The following ADAMTS16 variants were observed in gnomAD, a reference collection of about 807,000 sequenced individuals.
ADAMTS16 encodes ADAM metallopeptidase with thrombospondin type 1 motif 16.
ADAMTS16 carries 94 observed loss-of-function variants against 145.8 expected under a neutral mutation model. The ratio of observed to expected loss-of-function variants is 0.64; its 90% confidence interval spans 0.55 to 0.77. The LOEUF (loss-of-function observed/expected upper bound fraction) is 0.77. Ranked by LOEUF, ADAMTS16 falls within the 30% of genes least tolerant of loss-of-function variation. ADAMTS16 has a pLI of 0.00. For synonymous variants in ADAMTS16, 659 were observed against 604.3 expected (o/e 1.09, Z -1.33); for missense variants, 1,585 against 1,591.5 (o/e 1.00, Z 0.07).
In ADAMTS16 at chr5:5,190,033, T is replaced by C. The variant is rs72647747; in HGVS notation, c.1110T>C (p.Ser370=). The C allele has an allele frequency of 3.9e-4, 623 of 1,613,364 alleles. No individual in the cohort carries two copies. The Middle Eastern group carries it at 7.9e-3, about 21-fold the overall frequency. The part of the protein sequence containing the change: ...HTLSSFCQWQ[S]GLMGKDGTRH... ...TAAGTAGCTTCTGCCAGTGGCAGTC[T>C]GGATTGATGGGGAAAGATGGGACTC... Residue 370 remains serine (S), a synonymous_variant, in exon 7 of 23, where the codon TCT becomes TCC. Coordinates refer to ENST00000274181, the MANE Select transcript of ADAMTS16 (RefSeq NM_139056.4).
chr5:5,237,991 A>C (rs1355099477), intron 14 of ADAMTS16, among the ~76,000 whole-genome samples: 1 of 152,180 alleles, frequency 6.6e-6, no homozygotes, highest in African/African-American at 2.4e-5. Context: ...ACGGAGTCCA[A>C]AAACATCTTT....
chr5:5,220,664 G>T (rs1444797178), intron 10 of ADAMTS16, among the ~76,000 whole-genome samples: 4 of 152,096 alleles, frequency 2.6e-5, no homozygotes, highest in Non-Finnish European at 4.4e-5. Flanking sequence ...TACTTCAGGT[G>T]CCAGGCCCTG....
chr5:5,299,077 A>C (rs1050790671), intron 18 of ADAMTS16, among the ~76,000 whole-genome samples: 1 of 152,194 alleles, frequency 6.6e-6, no homozygotes, highest in Non-Finnish European at 1.5e-5. Flanking sequence ...TGGAGCCCTG[A>C]TACTTATCAA....
At chr5:5,274,679 T>TAC (rs1553996915) in intron 18 of ADAMTS16, among the ~76,000 whole-genome samples, 1 of 140,888 alleles carries the variant, frequency 7.1e-6, no homozygotes, top group African/African-American at 2.6e-5. Context: ...TATGTGTATA[T>TAC]ATATACATAT....
At chr5:5,244,329 T>C (rs556594479) in intron 17 of ADAMTS16, among the ~76,000 whole-genome samples, 58 of 152,318 alleles carry the variant, frequency 3.8e-4, no homozygotes, top group Non-Finnish European at 4.3e-4. Flanking sequence ...TTACTTTCTA[T>C]AGAAGCAAGA....
rs752685416 is a variant in ADAMTS16, at chr5:5,189,952, G to T, written c.1048-19G>T. On this transcript the variant is annotated intron_variant, in intron 6 of 22. Coordinates refer to ENST00000274181, the MANE Select transcript of ADAMTS16 (RefSeq NM_139056.4). Reference sequence around the variant, plus strand: ...TCTCTTCATTATCATGGGGTCCTCGGTCCTTGTCTCTTGCACAGCCAGGAC... The same window carrying T: ...TCTCTTCATTATCATGGGGTCCTCGTTCCTTGTCTCTTGCACAGCCAGGAC... 6.2e-7 allele frequency: 1 copy of T among 1,609,834 alleles called. No individual in the cohort carries two copies.
chr5:5,307,344 C>T (rs139013637), intron 21 of ADAMTS16, among the ~76,000 whole-genome samples: 22 of 152,258 alleles, frequency 1.4e-4, no homozygotes, highest in Non-Finnish European at 1.6e-4. Context: ...TTGTGGCTGC[C>T]CGGTAGAGAG....
chr5:5,307,255 G>T (rs557531998), intron 21 of ADAMTS16, among the ~76,000 whole-genome samples: 12 of 152,108 alleles, frequency 7.9e-5, no homozygotes, highest in Non-Finnish European at 1.8e-4. Flanking sequence ...CTTTCGGGTC[G>T]GGGTGGGCCC....
At chr5:5,164,885 T>C (rs1579282220) in intron 3 of ADAMTS16, among the ~76,000 whole-genome samples, 1 of 152,086 alleles carries the variant, frequency 6.6e-6, no homozygotes, top group African/African-American at 2.4e-5. Context: ...GCCATGTTAG[T>C]CAGGATGGTC....
At chr5:5,301,055 T>G (rs1560997014) in intron 18 of ADAMTS16, among the ~76,000 whole-genome samples, 3 of 152,162 alleles carry the variant, frequency 2.0e-5, no homozygotes, top group Admixed American at 1.3e-4. Context: ...TGAATTTTTA[T>G]TTTTATTTAT....
intron 10 of ADAMTS16, among the ~76,000 whole-genome samples, chr5:5,220,466 A>T (rs1736570931): frequency 6.6e-6 from 1 of 152,054 alleles, no homozygotes. Flanking sequence ...CCAATAATTT[A>T]ACATTTTAAA....
rs1422918474 is a variant in ADAMTS16 at position 5,235,105 on chromosome 5, C to T, written c.1942C>T (p.Arg648Cys). Residue 648 changes from arginine to cysteine, a missense_variant, in exon 13 of 23, where the codon CGT (arginine) becomes TGT (cysteine). By Grantham distance (180) the Arg-to-Cys change is radical (BLOSUM62 -3). This residue lies in a region of ADAMTS16 where 834 missense variants were observed against 811.7 expected (regional missense o/e 1.03). Transcript: ENST00000274181. The stretch of plus-strand genomic sequence containing the variant: ...ATGTCCCCGGGACAGTGTTGACTTC[C>T]GTGCTGCTCAGTGTGCCGAGCACAA... ...QKCPRDSVDF[R>C]AAQCAEHNSR... is the part of the protein sequence containing the mutation. 3.4e-5 allele frequency: 54 copies of T among 1,606,140 alleles called. No homozygotes were observed. Among genetic ancestry groups the T allele is most frequent in the African/African-American group, 8.0e-5 (6 of 74,814 alleles).
rs1240984500 is a variant in ADAMTS16 at position 5,221,828 on chromosome 5, C to T, written c.1606-961C>T. On this transcript the variant is annotated intron_variant, in intron 10 of 22. Coordinates refer to ENST00000274181, the MANE Select transcript of ADAMTS16 (RefSeq NM_139056.4). Reference sequence around the variant, plus strand: ...AGTGAGATCACCAGGCAGCAAAATGCCATCTTCCCAGCTGCACTACGTCGA... The same window carrying T: ...AGTGAGATCACCAGGCAGCAAAATGTCATCTTCCCAGCTGCACTACGTCGA... Among the ~76,000 whole-genome samples the T allele has an allele frequency of 3.9e-5, 6 of 152,172 alleles. No individual in the cohort carries two copies. The East Asian group carries it at 1.2e-3, about 29-fold the overall frequency.
intron 10 of ADAMTS16, among the ~76,000 whole-genome samples, chr5:5,217,727 A>G (rs867855949): frequency 6.6e-6 from 1 of 152,242 alleles, no homozygotes; most frequent in African/African-American, 2.4e-5. Context: ...GACTAGAATA[A>G]AAAGAGAGAG....
chr5:5,248,916 T>C (rs1354521747), intron 17 of ADAMTS16, among the ~76,000 whole-genome samples: 1 of 152,214 alleles, frequency 6.6e-6, no homozygotes, highest in African/African-American at 2.4e-5. Flanking sequence ...ATTAGGGTCC[T>C]CCAGAGAAAC....
In ADAMTS16 at chr5:5,235,073, G is replaced by C; in HGVS notation, c.1910G>C (p.Ser637Thr). ...GSTRTLKLCN[S>T]QKCPRDSVDF... ...ACTCGCACTCTGAAGCTCTGCAACAGTCAGAAATGTCCCCGGGACAGTGTT... is the reference window on the plus strand; with the variant it reads ...ACTCGCACTCTGAAGCTCTGCAACACTCAGAAATGTCCCCGGGACAGTGTT... The change falls in exon 13 of 23, where the codon AGT becomes ACT. Residue 637 changes from serine (S) to threonine (T), a missense_variant. Physicochemically the swap from Ser to Thr is moderately conservative, Grantham distance 58. This residue lies in a region of ADAMTS16 where 834 missense variants were observed against 811.7 expected (regional missense o/e 1.03). Coordinates refer to ENST00000274181, the MANE Select transcript of ADAMTS16 (RefSeq NM_139056.4). The C allele has an allele frequency of 2.5e-6, 4 of 1,605,416 alleles. No homozygotes were observed.
rs543232521 is a variant in ADAMTS16 at position 5,297,156 on chromosome 5, C to A, written c.2790-6112C>A. 3.9e-5 allele frequency among the ~76,000 whole-genome samples: 6 copies of A among 152,280 alleles called. No individual in the cohort carries two copies. The South Asian group carries it at 1.2e-3, about 32-fold the overall frequency. On this transcript the variant is annotated intron_variant, in intron 18 of 22. Transcript: ENST00000274181. ...TGGTAAATGCAATCAATGCTGGAGC[C>A]CTTCCCAGCACATAGAGAGCAAAGA...
At chr5:5,276,011 A>G (rs887307009) in intron 18 of ADAMTS16, among the ~76,000 whole-genome samples, 1 of 152,126 alleles carries the variant, frequency 6.6e-6, no homozygotes, top group Non-Finnish European at 1.5e-5. Flanking sequence ...GGCATGCACC[A>G]TCATGCTCAG....
intron 3 of ADAMTS16, among the ~76,000 whole-genome samples, chr5:5,172,955 C>A (rs1033226205): frequency 6.6e-6 from 1 of 152,006 alleles, no homozygotes; most frequent in African/African-American, 2.4e-5. Flanking sequence ...GTTGAACTGA[C>A]CCTCATCAAT....
Sources: gnomAD v4.1 joint callset for allele counts (sites outside exome capture counted in the v4.1 genomes callset) on GRCh38, gnomAD v4.1.1 for gene constraint, gnomAD v4.1.1 regional missense constraint, MANE v1.5 for transcripts, NCBI Gene and HGNC (gene_info 2026-07-23, HGNC 2026-07-21) for gene names.